KHDRBS2: variants seen among roughly 807,000 people sequenced by gnomAD.
The protein encoded by KHDRBS2 is KH RNA binding domain containing, signal transduction associated 2, also known as KH domain-containing, RNA-binding, signal transduction-associated protein 2.
KHDRBS2 carries 26 observed loss-of-function variants against 44.3 expected under a neutral mutation model. The ratio of observed to expected loss-of-function variants is 0.59; its 90% CI spans 0.43 to 0.81. The LOEUF (loss-of-function observed/expected upper bound fraction) is 0.81. Among genes scored for constraint, KHDRBS2 ranks in the 40% least tolerant of loss-of-function variants. KHDRBS2 has a pLI of 0.00. For missense variants in KHDRBS2, 476 were observed against 433.1 expected, an observed-to-expected ratio of 1.10 and a Z score of -0.88; for synonymous variants, 194 against 151.1, an observed-to-expected ratio of 1.28 and a Z score of -2.08.
the KHDRBS2 span, among the ~76,000 whole-genome samples, chr6:61,668,233 C>T: frequency 6.6e-6 from 1 of 150,598 alleles, no homozygotes; most frequent in African/African-American, 2.4e-5. Context: ...TTTGGTATAC[C>T]TTTGGCATGC....
At chr6:61,693,175 A>C (rs1382482217) in intron 8 of KHDRBS2, among the ~76,000 whole-genome samples, 2 of 152,128 alleles carry the variant, frequency 1.3e-5, no homozygotes, top group African/African-American at 4.8e-5. Context: ...AAAAATAATC[A>C]ATTGATATTT....
At chr6:62,018,505 G>A (rs1203410657) in intron 3 of KHDRBS2, among the ~76,000 whole-genome samples, 1 of 151,972 alleles carries the variant, frequency 6.6e-6, no homozygotes, top group African/African-American at 2.4e-5. Context: ...CTGCCACCAC[G>A]CCCGGCTAAT....
intron 3 of KHDRBS2, among the ~76,000 whole-genome samples, 198 bp downstream of exon 3, chr6:62,047,680 T>C (rs894980409): frequency 3.3e-5 from 5 of 151,764 alleles, no homozygotes; most frequent in African/African-American, 1.2e-4. Context: ...ATATACTTTC[T>C]GGAAAGAAAA....
chr6:61,932,311 A>G (rs1810208859), intron 4 of KHDRBS2, among the ~76,000 whole-genome samples: 2 of 152,192 alleles, frequency 1.3e-5, no homozygotes, highest in Admixed American at 6.5e-5. Context: ...TTCACGTTCT[A>G]TGTTTTTCAG....
At chr6:62,103,353 T>A (rs1802343884) in intron 2 of KHDRBS2, among the ~76,000 whole-genome samples, 1 of 152,190 alleles carries the variant, frequency 6.6e-6, no homozygotes, top group Non-Finnish European at 1.5e-5. Flanking sequence ...CTCATGCTAA[T>A]CAGCACCCAA....
At chr6:62,205,189 A>G (rs1827733343) in intron 1 of KHDRBS2, among the ~76,000 whole-genome samples, 1 of 152,094 alleles carries the variant, frequency 6.6e-6, no homozygotes, top group African/African-American at 2.4e-5. Flanking sequence ...AATTGGCACA[A>G]ATGCTAATAC....
chr6:62,235,494 C>T, intron 1 of KHDRBS2, among the ~76,000 whole-genome samples: 1 of 151,922 alleles, frequency 6.6e-6, no homozygotes, highest in Non-Finnish European at 1.5e-5. Context: ...TTAATTTTAT[C>T]TTCTGGACCC....
At chr6:62,059,746 C>A (rs1328279488) in intron 2 of KHDRBS2, among the ~76,000 whole-genome samples, 3 of 151,402 alleles carry the variant, frequency 2.0e-5, no homozygotes, top group East Asian at 2.0e-4. Flanking sequence ...ATTTTCTATA[C>A]AGGGGTAGTA....
At chr6:62,279,594 GGATA>G (rs1841515018) in intron 1 of KHDRBS2, among the ~76,000 whole-genome samples, 1 of 152,110 alleles carries the variant, frequency 6.6e-6, no homozygotes, top group East Asian at 1.9e-4. Context: ...TAGTAGTGGT[GGATA>G]GGTTGAAAAT....
chr6:61,850,066 T>C (rs1408439375), intron 6 of KHDRBS2, among the ~76,000 whole-genome samples: 7 of 152,162 alleles, frequency 4.6e-5, no homozygotes, highest in Admixed American at 2.0e-4. Flanking sequence ...TACTCAAAGA[T>C]GTGGGTTAAC....
chr6:62,237,509 T>C (rs768264750), intron 1 of KHDRBS2, among the ~76,000 whole-genome samples: 28 of 152,178 alleles, frequency 1.8e-4, no homozygotes, highest in Admixed American at 6.5e-4. Flanking sequence ...GTTTGCATAA[T>C]GCTATCAAAA....
At chr6:61,732,394 A>G (rs1198387028) in intron 7 of KHDRBS2, among the ~76,000 whole-genome samples, 1 of 152,014 alleles carries the variant, frequency 6.6e-6, no homozygotes, top group African/African-American at 2.4e-5. Context: ...TTGTCTTTTA[A>G]AAAAATCTAA....
At chr6:62,183,228 T>C (rs1344258529) in intron 1 of KHDRBS2, among the ~76,000 whole-genome samples, 1 of 151,792 alleles carries the variant, frequency 6.6e-6, no homozygotes, top group Non-Finnish European at 1.5e-5. Context: ...TAAATATATA[T>C]GACATAATTA....
At chr6:61,753,269 C>T (rs989800529) in intron 6 of KHDRBS2, among the ~76,000 whole-genome samples, 1 of 152,094 alleles carries the variant, frequency 6.6e-6, no homozygotes, top group African/African-American at 2.4e-5. Flanking sequence ...AGCTGCTTTG[C>T]AGTCACATTA....
At chr6:62,127,025 A>T (rs1236545996) in intron 2 of KHDRBS2, among the ~76,000 whole-genome samples, 1 of 152,172 alleles carries the variant, frequency 6.6e-6, no homozygotes, top group Non-Finnish European at 1.5e-5. Context: ...ACCATCTTTC[A>T]CAATAAGGTA....
At chr6:62,106,183 G>A (rs1230278065) in intron 2 of KHDRBS2, among the ~76,000 whole-genome samples, 1 of 152,130 alleles carries the variant, frequency 6.6e-6, no homozygotes, top group African/African-American at 2.4e-5. Flanking sequence ...TTGCTGAGGA[G>A]AGCTTTACTT....
At chr6:61,776,155 G>A (rs1397819078) in intron 6 of KHDRBS2, among the ~76,000 whole-genome samples, 1 of 152,152 alleles carries the variant, frequency 6.6e-6, no homozygotes, top group African/African-American at 2.4e-5. Flanking sequence ...ATGGATCAAA[G>A]ACTTACATGT....
chr6:61,610,927 TG>T, the KHDRBS2 span, among the ~76,000 whole-genome samples: 3 of 152,222 alleles, frequency 2.0e-5, no homozygotes, highest in Non-Finnish European at 4.4e-5. Flanking sequence ...AGGACCATTC[TG>T]GAAATACTTG....
intron 4 of KHDRBS2, among the ~76,000 whole-genome samples, chr6:61,918,245 T>G (rs552319089): frequency 6.6e-6 from 1 of 152,058 alleles, no homozygotes; most frequent in East Asian, 1.9e-4. Flanking sequence ...CTGAGACCTA[T>G]TCAAAACGAA....
Sources: gnomAD v4.1 joint callset for allele counts (sites outside exome capture counted in the v4.1 genomes callset) on GRCh38, gnomAD v4.1.1 for gene constraint, MANE v1.5 for transcripts, NCBI Gene and HGNC (gene_info 2026-07-23, HGNC 2026-07-21) for gene names.